IL21R: variants seen among roughly 807,000 people sequenced by gnomAD.
IL21R encodes interleukin-21 receptor.
IL21R carries 14 observed loss-of-function variants against 41.3 expected under a neutral mutation model. That is an observed-to-expected ratio of 0.34 (90% CI 0.22 to 0.53). IL21R has a LOEUF of 0.53. Among genes scored for constraint, IL21R ranks in the 20% least tolerant of loss-of-function variants. The pLI is 0.94. For synonymous variants in IL21R, 286 were observed against 287.6 expected, an observed-to-expected ratio of 0.99 and a Z score of 0.05; for missense variants, 588 against 681.6, an observed-to-expected ratio of 0.86 and a Z score of 1.53.
intron 2 of IL21R, 30 bp from the exon 3 acceptor site, chr16:27,434,316 AC>A: frequency 7.0e-7 from 1 of 1,438,696 alleles, no homozygotes; most frequent in South Asian, 1.1e-5. Context: ...GCCACCCCCC[AC>A]CAAGGCCTCT....
intron 4 of IL21R, among the ~76,000 whole-genome samples, chr16:27,442,171 G>A (rs2087399022): frequency 6.6e-6 from 1 of 152,112 alleles, no homozygotes; most frequent in South Asian, 2.1e-4. Flanking sequence ...TGCTGTGCGT[G>A]TGCATGTGTG....
intron 1 of IL21R, among the ~76,000 whole-genome samples, chr16:27,409,977 T>C (rs939937723): frequency 3.9e-5 from 6 of 152,234 alleles, no homozygotes; most frequent in Admixed American, 2.6e-4. Context: ...ACATAGTATG[T>C]ACCACCACTT....
chr16:27,431,529 G>A (rs1459841701), intron 2 of IL21R, among the ~76,000 whole-genome samples: 1 of 152,224 alleles, frequency 6.6e-6, no homozygotes, highest in Non-Finnish European at 1.5e-5. Flanking sequence ...CTGTGCTGCT[G>A]TAACTGAATA....
At chr16:27,440,258 G>GAA (rs2087361749) in intron 4 of IL21R, among the ~76,000 whole-genome samples, 1 of 120,336 alleles carries the variant, frequency 8.3e-6, no homozygotes, top group South Asian at 2.3e-4. Flanking sequence ...TAGAGAGAGA[G>GAA]AGAGAGAGAG....
Position 27,412,129 on chromosome 16 carries a change from G to A in IL21R, c.-17+9511G>A, listed in dbSNP as rs117982700. On this transcript the variant is annotated intron_variant, in intron 1 of 8. Coordinates refer to ENST00000337929, the MANE Select transcript of IL21R (RefSeq NM_181078.3). ...AATGTTTGCATATGGAGTAAAATAA[G>A]GATCCAACATCATTCTTTTGCATAT... Among the ~76,000 whole-genome samples the A allele has an allele frequency of 1.6e-3, 237 of 152,258 alleles. 4 individuals carry two copies. In the East Asian group the frequency reaches 0.04, roughly 25 times the overall value.
Position 27,430,036 on chromosome 16 carries a change from C to T in IL21R, c.-16-20C>T. On this transcript the variant is annotated intron_variant, in intron 1 of 8. Coordinates refer to ENST00000337929, the MANE Select transcript of IL21R (RefSeq NM_181078.3). ...GCCCTGAGCCCGCCTGGCTCACCCTCCACTGTACGTCTCTTGCAGGCCCGT... is the reference window on the plus strand; with the variant it reads ...GCCCTGAGCCCGCCTGGCTCACCCTTCACTGTACGTCTCTTGCAGGCCCGT... The T allele has an allele frequency of 6.2e-7, 1 of 1,603,964 alleles. No individual in the cohort carries two copies. The highest frequency in any genetic ancestry group is 1.1e-5 in the South Asian group (1 of 90,670).
chr16:27,403,865 G>A (rs1340806044), intron 1 of IL21R, among the ~76,000 whole-genome samples: 6 of 152,154 alleles, frequency 3.9e-5, no homozygotes, highest in East Asian at 3.9e-4. Flanking sequence ...GCACTTAAGC[G>A]TCTCCCATAG....
At chr16:27,410,195 G>A (rs1319065351) in intron 1 of IL21R, among the ~76,000 whole-genome samples, 1 of 151,740 alleles carries the variant, frequency 6.6e-6, no homozygotes, top group African/African-American at 2.4e-5. Flanking sequence ...AATTAGCTGA[G>A]TGTGGTGGTG....
chr16:27,435,900 C>G (rs2087261329), intron 3 of IL21R, among the ~76,000 whole-genome samples: 1 of 152,166 alleles, frequency 6.6e-6, no homozygotes, highest in Admixed American at 6.5e-5. Context: ...TCCCAAGTAT[C>G]TGGGATTGCA....
At chr16:27,432,175 C>T (rs1295909300) in intron 2 of IL21R, among the ~76,000 whole-genome samples, 5 of 152,198 alleles carry the variant, frequency 3.3e-5, no homozygotes, top group East Asian at 1.9e-4. Context: ...GACGTCAAAC[C>T]GTAGCACGGC....
At chr16:27,436,216 C>G (rs1368116413) in intron 3 of IL21R, among the ~76,000 whole-genome samples, 2 of 152,230 alleles carry the variant, frequency 1.3e-5, no homozygotes, top group Non-Finnish European at 2.9e-5. Flanking sequence ...CATAAGCCAC[C>G]GTGTTCTGCC....
chr16:27,439,376 A>C (rs1023407051), intron 4 of IL21R, among the ~76,000 whole-genome samples: 1 of 149,918 alleles, frequency 6.7e-6, no homozygotes, highest in Non-Finnish European at 1.5e-5. Flanking sequence ...ACACACACAC[A>C]CACACACGTA....
chr16:27,427,261 G>A, intron 1 of IL21R: 2 of 985,372 alleles, frequency 2.0e-6, no homozygotes, highest in Non-Finnish European at 2.4e-6. Flanking sequence ...CAAACCACTA[G>A]AGGCAGCTCA....
chr16:27,403,914 T>C (rs568948127), intron 1 of IL21R, among the ~76,000 whole-genome samples: 1 of 152,288 alleles, frequency 6.6e-6, no homozygotes, highest in Admixed American at 6.5e-5. Context: ...TTCAGCCCAT[T>C]TCACAGATGA....
rs1555498343 is a variant in IL21R at position 27,443,736 on chromosome 16, T to TTG, written c.507+620_507+621insTG. ...AGGCGGAGGTTGCAGTGAGCTGGGA[T>TTG]CGCGCTACTGCACTCTAGCCTGGGC... On this transcript the variant is annotated intron_variant, in intron 5 of 8. Transcript: ENST00000337929. Among the ~76,000 whole-genome samples, 359 of 150,414 alleles carry TTG rather than the reference T, an allele frequency of 2.4e-3. 2 individuals carry two copies. The highest frequency in any genetic ancestry group is 8.6e-3 in the African/African-American group (351 of 40,786).
Position 27,427,304 on chromosome 16 carries a change from C to T in IL21R, c.-16-2752C>T, listed in dbSNP as rs971931020. 4.1e-6 allele frequency: 4 copies of T among 985,446 alleles called. No individual in the cohort carries two copies. The African/African-American group carries it at 5.2e-5, about 13-fold the overall frequency. The allele number at this position is 985,446 out of a possible 1,614,324, so 61.0% of individuals were successfully genotyped here. ...GAGCTCTTTGGGAAGAGACGCCGGG[C>T]AGGCAGAAGCAGCAGGTACCCCCTC... On this transcript the variant is annotated intron_variant, in intron 1 of 8. Transcript: ENST00000337929.
intron 1 of IL21R, among the ~76,000 whole-genome samples, chr16:27,413,339 G>A (rs1596567613): frequency 6.6e-6 from 1 of 152,008 alleles, no homozygotes; most frequent in South Asian, 2.1e-4. Flanking sequence ...GCCTTTTAAT[G>A]TGTTGTTAAA....
chr16:27,436,025 A>C (rs372717837), intron 3 of IL21R, among the ~76,000 whole-genome samples: 23 of 152,052 alleles, frequency 1.5e-4, no homozygotes, highest in African/African-American at 3.6e-4. Context: ...CGCCCACTGT[A>C]CCCGCCTTTC....
At chr16:27,437,425 G>A (rs533463524) in intron 3 of IL21R, 63 bp from the exon 4 acceptor site, 5 of 1,362,204 alleles carry the variant, frequency 3.7e-6, no homozygotes, top group Non-Finnish European at 5.2e-6. Context: ...CCTGAGCACT[G>A]AGCCCACCAC....
Sources: allele counts gnomAD v4.1 joint callset (sites outside exome capture counted in the v4.1 genomes callset), GRCh38; gene constraint gnomAD v4.1.1; transcripts MANE v1.5; gene names NCBI Gene and HGNC (gene_info 2026-07-23, HGNC 2026-07-21).